The following GNAL variants were observed in gnomAD, a reference collection of about 807,000 sequenced individuals.
GNAL encodes the protein guanine nucleotide-binding protein G(olf) subunit alpha.
GNAL carries 18 observed loss-of-function variants against 55.1 expected under a neutral mutation model. The observed-to-expected ratio is 0.33, with a 90% CI of 0.23 to 0.48. The LOEUF (loss-of-function observed/expected upper bound fraction) is 0.48, where lower values mean the gene tolerates loss of function less well. GNAL is among the 20% of genes least tolerant of loss of function. The pLI, the probability that GNAL is intolerant of heterozygous loss-of-function variation, is 0.99. For synonymous variants in GNAL, 253 were observed against 237.0 expected (o/e 1.07, Z -0.62); for missense variants, 412 against 614.1 (o/e 0.67, Z 3.48).
At chr18:11,697,150 A>G (rs907931036) in intron 1 of GNAL, among the ~76,000 whole-genome samples, 2 of 152,258 alleles carry the variant, frequency 1.3e-5, no homozygotes, top group South Asian at 2.1e-4. Context: ...GCCCTCTGTG[A>G]CTGAGCCAGG....
At chr18:11,721,694 G>T (rs1417718398) in intron 1 of GNAL, among the ~76,000 whole-genome samples, 3 of 151,922 alleles carry the variant, frequency 2.0e-5, no homozygotes, top group Non-Finnish European at 2.9e-5. Context: ...CAGCCATCAT[G>T]CCTGGCTAAT....
At chr18:11,748,310 G>C (rs2032736764) in intron 1 of GNAL, among the ~76,000 whole-genome samples, 1 of 152,176 alleles carries the variant, frequency 6.6e-6, no homozygotes, top group Non-Finnish European at 1.5e-5. Context: ...GGCTGCAAGG[G>C]TCTGTGTCCC....
chr18:11,708,881 A>G (rs1409898936), intron 1 of GNAL, among the ~76,000 whole-genome samples: 1 of 152,198 alleles, frequency 6.6e-6, no homozygotes, highest in South Asian at 2.1e-4. Flanking sequence ...GCCAAGACCA[A>G]TTAATGTCAG....
At chr18:11,774,128 A>G (rs1210824995) in intron 4 of GNAL, among the ~76,000 whole-genome samples, 1 of 152,146 alleles carries the variant, frequency 6.6e-6, no homozygotes, top group Non-Finnish European at 1.5e-5. Flanking sequence ...GTCACCCTTC[A>G]CCATGCGTAA....
At chr18:11,693,125 G>A (rs997826850) in intron 1 of GNAL, among the ~76,000 whole-genome samples, 7 of 150,126 alleles carry the variant, frequency 4.7e-5, no homozygotes, top group Admixed American at 3.3e-4. Context: ...GTTTTGATGT[G>A]ATTATACAGT....
chr18:11,852,735 C>G (rs1236108113), intron 5 of GNAL: 6 of 166,338 alleles, frequency 3.6e-5, no homozygotes, highest in Middle Eastern at 3.1e-3. Flanking sequence ...GCATAATACT[C>G]TCTTACTGCT....
chr18:11,876,694 C>G lies in GNAL; in HGVS notation c.1230+6C>G, dbSNP rs1354692797. Reference sequence around the variant, plus strand: ...TTATCCGGGACCTGTTTTTGGTAAGCAATTTTGTTAACCTTTGTTTTTCTA... The same window carrying G: ...TTATCCGGGACCTGTTTTTGGTAAGGAATTTTGTTAACCTTTGTTTTTCTA... On this transcript the variant is annotated splice_donor_region_variant and intron_variant, in intron 11 of 11. Transcript: ENST00000334049. 6.4e-7 allele frequency: 1 copy of G among 1,569,510 alleles called. No individual in the cohort carries two copies. Among genetic ancestry groups the G allele is most frequent in the Non-Finnish European group, 8.8e-7 (1 of 1,139,490 alleles).
At chr18:11,776,309 T>C (rs1207303456) in intron 4 of GNAL, among the ~76,000 whole-genome samples, 1 of 152,190 alleles carries the variant, frequency 6.6e-6, no homozygotes, top group Non-Finnish European at 1.5e-5. Context: ...TTACATACTC[T>C]TCAGAAGTTT....
At chr18:11,792,217 CCT>C (rs1215484475) in intron 4 of GNAL, among the ~76,000 whole-genome samples, 1 of 151,946 alleles carries the variant, frequency 6.6e-6, no homozygotes, top group Non-Finnish European at 1.5e-5. Flanking sequence ...TCCGTCTTAC[CCT>C]GTTTCCCAGG....
At chr18:11,867,418 C>T (rs2036287790) in intron 8 of GNAL, among the ~76,000 whole-genome samples, 192 bp downstream of exon 8, 1 of 152,172 alleles carries the variant, frequency 6.6e-6, no homozygotes, top group South Asian at 2.1e-4. Flanking sequence ...GTGGCTCACG[C>T]CCGTAATCCC....
At chr18:11,851,490 G>C in intron 5 of GNAL, 1 of 1,520,446 alleles carries the variant, frequency 6.6e-7, no homozygotes, top group Non-Finnish European at 8.8e-7. Context: ...CCGGGCCGCC[G>C]ACCCAAAGGA....
At chr18:11,745,990 C>T (rs2032679759) in intron 1 of GNAL, 1 of 279,434 alleles carries the variant, frequency 3.6e-6, no homozygotes, top group African/African-American at 2.2e-5. Flanking sequence ...AGAAAGTGTT[C>T]TTGGGCAGAG....
At chr18:11,827,950 G>A (rs868127692) in intron 5 of GNAL, among the ~76,000 whole-genome samples, 66 of 148,732 alleles carry the variant, frequency 4.4e-4, no homozygotes, top group Middle Eastern at 3.5e-3. Flanking sequence ...CAGCCTGGGC[G>A]ACAGAGCGAG....
rs1285612747 is a variant in GNAL, at chr18:11,735,801, G to GA, written c.377-17050dup. Among the ~76,000 whole-genome samples, 188 of 148,044 alleles carry GA rather than the reference G, an allele frequency of 1.3e-3. 1 individual carries two copies. The highest frequency in any genetic ancestry group is 4.7e-3 in the African/African-American group (183 of 38,712). On this transcript the variant is annotated intron_variant, in intron 1 of 11. Coordinates refer to ENST00000334049, the MANE Select transcript of GNAL (RefSeq NM_182978.4). ...GAAAGAAAGGAGGGAGGGAGGGAAG[G>GA]AAGGAAAGGAAGGAAGGAAGGAAGG...
chr18:11,697,736 A>T (rs1263590382), intron 1 of GNAL, among the ~76,000 whole-genome samples: 1 of 151,894 alleles, frequency 6.6e-6, no homozygotes, highest in Non-Finnish European at 1.5e-5. Flanking sequence ...TGAACCCTTC[A>T]GTAAAATGGC....
At chr18:11,765,357 T>C (rs8094039) in intron 4 of GNAL, among the ~76,000 whole-genome samples, 46,680 of 152,138 alleles carry the variant, frequency 0.31, 7,342 homozygotes, top group Middle Eastern at 0.41. Flanking sequence ...CAGTAAGTTA[T>C]CAAATTAGAG....
In GNAL at chr18:11,828,147, G is replaced by A. The variant is rs9966056; in HGVS notation, c.722+3132G>A. 8.0e-3 allele frequency among the ~76,000 whole-genome samples: 1,216 copies of A among 152,286 alleles called. 12 individuals carry two copies. The highest frequency in any genetic ancestry group is 0.028 in the African/African-American group (1,148 of 41,562). The stretch of plus-strand genomic sequence containing the variant: ...GGGGAACTCCAATGCAGTCTGAGCA[G>A]CCTTGGGAGGCTTGCAGGTGCTGAA... On this transcript the variant is annotated intron_variant, in intron 5 of 11. Transcript: ENST00000334049.
In GNAL at chr18:11,723,652, C is replaced by T. The variant is rs528222841; in HGVS notation, c.377-29201C>T. 4.6e-4 allele frequency among the ~76,000 whole-genome samples: 70 copies of T among 152,370 alleles called. 1 individual carries two copies. Among genetic ancestry groups the T allele is most frequent in the Middle Eastern group, 3.4e-3 (1 of 294 alleles). Reference sequence around the variant, plus strand: ...CCAGGCACCCTGAAGTGCTCCAGCCCTTTGCATTAATACCCCAGAAAGGGA... The same window carrying T: ...CCAGGCACCCTGAAGTGCTCCAGCCTTTTGCATTAATACCCCAGAAAGGGA... On this transcript the variant is annotated intron_variant, in intron 1 of 11. Coordinates refer to ENST00000334049, the MANE Select transcript of GNAL (RefSeq NM_182978.4).
chr18:11,775,719 C>T lies in GNAL; in HGVS notation c.624+21774C>T, dbSNP rs116408239. On this transcript the variant is annotated intron_variant, in intron 4 of 11. Coordinates refer to ENST00000334049, the MANE Select transcript of GNAL (RefSeq NM_182978.4). ...GTGGGGGCAAATTCCCAGGGGTTCC[C>T]GGTGTCTACAACACAAATACAGTGA... 4.9e-3 allele frequency among the ~76,000 whole-genome samples: 751 copies of T among 152,266 alleles called. 11 individuals carry two copies. Among genetic ancestry groups the T allele is most frequent in the African/African-American group, 0.017 (721 of 41,548 alleles).
Sources: allele counts gnomAD v4.1 joint callset (sites outside exome capture counted in the v4.1 genomes callset), GRCh38; gene constraint gnomAD v4.1.1; transcripts MANE v1.5; gene names NCBI Gene and HGNC (gene_info 2026-07-23, HGNC 2026-07-21).